KIF4A: variants seen among roughly 807,000 people sequenced by gnomAD.
KIF4A encodes the protein chromosome-associated kinesin KIF4A.
Under a neutral mutation model 105.9 loss-of-function variants are expected in KIF4A, and 7 were observed. The ratio of observed to expected loss-of-function variants is 0.07; its 90% CI spans 0.04 to 0.12. The LOEUF is 0.12. KIF4A is among the 10% of genes least tolerant of loss of function. The pLI is 1.00. For synonymous variants in KIF4A, 281 were observed against 331.3 expected (o/e 0.85, Z 1.65); for missense variants, 558 against 929.2 (o/e 0.60, Z 5.19).
intron 8 of KIF4A, 100 bp downstream of exon 8, chrX:70,329,621 A>G (rs909551856): frequency 9.7e-6 from 6 of 621,671 alleles, no homozygotes; most frequent in Non-Finnish European, 1.5e-5. Flanking sequence ...TTGGACTATG[A>G]CATACACAGT....
At chrX:70,367,256 G>T (rs752565264) in intron 15 of KIF4A, among the ~76,000 whole-genome samples, 1 of 111,317 alleles carries the variant, frequency 9.0e-6, no homozygotes, top group Non-Finnish European at 1.9e-5. Flanking sequence ...TAACATTTAA[G>T]GTTAATATTG....
chrX:70,339,084 C>CAA (rs906085372), intron 10 of KIF4A, among the ~76,000 whole-genome samples: 9 of 47,318 alleles, frequency 1.9e-4, no homozygotes, highest in Admixed American at 8.2e-4. Context: ...GACTCCATCT[C>CAA]AAAAAAAAAA....
At chrX:70,356,726 A>G (rs2086053001) in intron 15 of KIF4A, among the ~76,000 whole-genome samples, 1 of 112,183 alleles carries the variant, frequency 8.9e-6, no homozygotes, top group Non-Finnish European at 1.9e-5. Flanking sequence ...TGGCAGTATA[A>G]TTATGTTACA....
intron 7 of KIF4A, among the ~76,000 whole-genome samples, chrX:70,327,928 G>A (rs1157622916): frequency 4.5e-5 from 5 of 111,671 alleles, no homozygotes; most frequent in Non-Finnish European, 9.4e-5. Flanking sequence ...CAACCATAGG[G>A]TTCAGAGTAA....
At chrX:70,355,543 C>CT (rs1405998979) in intron 15 of KIF4A, among the ~76,000 whole-genome samples, 1 of 111,941 alleles carries the variant, frequency 8.9e-6, no homozygotes, top group African/African-American at 3.2e-5. Context: ...ATTCCTGCTG[C>CT]TGGAATGCAA....
chrX:70,420,031 G>A, intron 30 of KIF4A, 31 bp from the exon 31 acceptor site: 3 of 1,188,530 alleles, frequency 2.5e-6, no homozygotes, highest in African/African-American at 1.8e-5. Context: ...CCTTTCTAAA[G>A]TCTATTCATA....
intron 24 of KIF4A, among the ~76,000 whole-genome samples, chrX:70,404,300 C>T: frequency 9.0e-6 from 1 of 111,280 alleles, no homozygotes; most frequent in African/African-American, 3.3e-5. Context: ...GTGGCTCGTG[C>T]CTGTAATCCC....
At chrX:70,379,144 C>G (rs1389762150) in intron 18 of KIF4A, among the ~76,000 whole-genome samples, 1 of 101,443 alleles carries the variant, frequency 9.9e-6, no homozygotes, top group Non-Finnish European at 2.0e-5. Context: ...GCCTGGGCAA[C>G]AGAGCGAGAC....
At chrX:70,335,777 A>G (rs1054541722) in intron 10 of KIF4A, among the ~76,000 whole-genome samples, 1 of 111,881 alleles carries the variant, frequency 8.9e-6, no homozygotes, top group African/African-American at 3.2e-5. Context: ...GACATTGGCA[A>G]CTAGGAAGCA....
At chrX:70,318,735 C>T (rs1177022009) in intron 7 of KIF4A, among the ~76,000 whole-genome samples, 1 of 111,973 alleles carries the variant, frequency 8.9e-6, no homozygotes, top group Non-Finnish European at 1.9e-5. Context: ...GGGTTGATCA[C>T]CTTTTCATAT....
Position 70,297,148 on chromosome X carries a change from A to G in KIF4A, c.386A>G (p.Lys129Arg), listed in dbSNP as rs772129850. The change falls in exon 4 of 31, where the codon AAG becomes AGG. Residue 129 changes from lysine to arginine, a missense_variant. Physicochemically the swap from Lys to Arg is conservative, Grantham distance 26 (BLOSUM62 2). This residue lies in a region of KIF4A where 89 missense variants were observed against 248.8 expected (regional missense o/e 0.36). Coordinates refer to ENST00000374403, the MANE Select transcript of KIF4A (RefSeq NM_012310.5). ...CTGCTCTTCAAAGAAATTGATAAAA[A>G]GAGTGACTTTGAATTTACTCTGAAA... ...IQLLFKEIDK[K>R]SDFEFTLKVS... The G allele has an allele frequency of 1.7e-5, 21 of 1,209,204 alleles. No individual in the cohort carries two copies. The Admixed American group carries it at 2.6e-4, about 15-fold the overall frequency.
At position 70,353,713 on chromosome X, in the gene KIF4A, T is replaced by C. The variant is rs1225209923; in HGVS notation, c.1580T>C (p.Val527Ala). 8.3e-7 allele frequency: 1 copy of C among 1,208,092 alleles called. No individual in the cohort carries two copies. The highest frequency in any genetic ancestry group is 1.8e-5 in the African/African-American group (1 of 57,068). Reference protein sequence around the residue: ...LRQAQMSKELVELNKALALKE... With the variant: ...LRQAQMSKELAELNKALALKE... Reference sequence around the variant, plus strand: ...CAAGCGCAGATGTCTAAGGAGCTGGTTGAGTTGAATAAAGCGCTTGCACTG... The same window carrying C: ...CAAGCGCAGATGTCTAAGGAGCTGGCTGAGTTGAATAAAGCGCTTGCACTG... The change falls in exon 15 of 31, where the codon GTT (valine) becomes GCT (alanine). Residue 527 changes from valine (V) to alanine (A), a missense_variant. By Grantham distance (64) the Val-to-Ala change is moderately conservative (BLOSUM62 0). Around this residue, in one of 2 missense-constraint regions of KIF4A, gnomAD observed 469 missense variants for 680.4 expected, o/e 0.69. Transcript: ENST00000374403.
At chrX:70,419,219 C>T (rs1345917350) in intron 29 of KIF4A, among the ~76,000 whole-genome samples, 1 of 112,507 alleles carries the variant, frequency 8.9e-6, no homozygotes, top group African/African-American at 3.2e-5. Flanking sequence ...CATGTAGTAG[C>T]TCCATGAAAG....
intron 10 of KIF4A, among the ~76,000 whole-genome samples, chrX:70,340,026 T>C (rs897432561): frequency 9.0e-6 from 1 of 111,316 alleles, no homozygotes; most frequent in African/African-American, 3.3e-5. Flanking sequence ...TCCAGTATTC[T>C]CTGCATTCAT....
chrX:70,328,262 A>G (rs1209500353), intron 7 of KIF4A, among the ~76,000 whole-genome samples: 1 of 111,565 alleles, frequency 9.0e-6, no homozygotes, highest in Non-Finnish European at 1.9e-5. Flanking sequence ...GTGCCAGTAG[A>G]ATCAATGACT....
intron 20 of KIF4A, among the ~76,000 whole-genome samples, chrX:70,389,578 T>C (rs73536946): frequency 1.8e-5 from 2 of 112,627 alleles, no homozygotes; most frequent in African/African-American, 6.4e-5. Context: ...AAAAAATATA[T>C]ATATTTGTCA....
At chrX:70,310,105 GAGTT>G (rs1246101184) in intron 7 of KIF4A, among the ~76,000 whole-genome samples, 1 of 111,912 alleles carries the variant, frequency 8.9e-6, no homozygotes, top group East Asian at 2.8e-4. Flanking sequence ...TTAGTTTGTT[GAGTT>G]TTGCTAGTTA....
chrX:70,393,634 ATTCTTTG>A (rs941824992), intron 20 of KIF4A, among the ~76,000 whole-genome samples: 8 of 109,999 alleles, frequency 7.3e-5, no homozygotes, highest in African/African-American at 2.0e-4. Flanking sequence ...TCTTGGTAAT[ATTCTTTG>A]TTCTTTGTTC....
At chrX:70,377,195 C>T (rs971408394) in intron 18 of KIF4A, among the ~76,000 whole-genome samples, 1 of 111,360 alleles carries the variant, frequency 9.0e-6, no homozygotes, top group Non-Finnish European at 1.9e-5. Context: ...ACCTCAGCCT[C>T]CTGAGTAGCT....
Sources: gnomAD v4.1 joint callset for allele counts (sites outside exome capture counted in the v4.1 genomes callset) on GRCh38, gnomAD v4.1.1 for gene constraint, gnomAD v4.1.1 regional missense constraint, MANE v1.5 for transcripts, NCBI Gene and HGNC (gene_info 2026-07-23, HGNC 2026-07-21) for gene names.